Variants in AXDND1 observed in about 807,000 individuals in gnomAD.
The protein encoded by AXDND1 is axonemal dynein light chain domain containing 1, also known as axonemal dynein light chain domain-containing protein 1.
Under a neutral mutation model 137.5 loss-of-function variants are expected in AXDND1, and 110 were observed. The ratio of observed to expected loss-of-function variants is 0.80; its 90% CI spans 0.69 to 0.94. The LOEUF (loss-of-function observed/expected upper bound fraction) is 0.94. AXDND1 is among the 40% of genes least tolerant of loss of function. AXDND1 has a pLI of 0.00. For missense variants in AXDND1, 1,191 were observed against 1,169.8 expected (o/e 1.02, Z -0.26); for synonymous variants, 414 against 399.7 (o/e 1.04, Z -0.43).
chr1:179,482,187 T>C (rs1314133558), intron 17 of AXDND1, among the ~76,000 whole-genome samples: 1 of 137,710 alleles, frequency 7.3e-6, no homozygotes, highest in Non-Finnish European at 1.5e-5. Flanking sequence ...GTAGAGACAA[T>C]GGAAAGCTTC....
intron 25 of AXDND1, among the ~76,000 whole-genome samples, chr1:179,548,268 A>C (rs1254426012): frequency 2.6e-5 from 4 of 152,242 alleles, no homozygotes; most frequent in African/African-American, 7.2e-5. Context: ...ATTATTTATT[A>C]AGAATTTACC....
At chr1:179,478,587 C>T (rs531594717) in intron 17 of AXDND1, among the ~76,000 whole-genome samples, 8 of 152,332 alleles carry the variant, frequency 5.3e-5, no homozygotes, top group Non-Finnish European at 1.0e-4. Context: ...TTTTTTCCTC[C>T]TAAGCCTTCA....
chr1:179,456,454 C>T (rs1661420535), intron 16 of AXDND1: 1 of 767,956 alleles, frequency 1.3e-6, no homozygotes, highest in Admixed American at 1.7e-5. Flanking sequence ...CCAAAGCTGC[C>T]TCCACCTCCG....
chr1:179,391,762 T>C (rs1358437479), intron 9 of AXDND1, among the ~76,000 whole-genome samples: 1 of 152,112 alleles, frequency 6.6e-6, no homozygotes, highest in Non-Finnish European at 1.5e-5. Flanking sequence ...AGTCTCAAGC[T>C]CCTGACCTCA....
chr1:179,531,726 C>G (rs1482599709), intron 23 of AXDND1, among the ~76,000 whole-genome samples: 2 of 152,082 alleles, frequency 1.3e-5, no homozygotes, highest in Non-Finnish European at 2.9e-5. Flanking sequence ...GGGATCTTCC[C>G]TGAGGCATGC....
At chr1:179,383,604 C>T in intron 8 of AXDND1, 60 bp downstream of exon 8, 2 of 1,309,172 alleles carry the variant, frequency 1.5e-6, no homozygotes, top group Non-Finnish European at 2.2e-6. Context: ...AGGCAGATTG[C>T]CTAGGTTAGA....
chr1:179,375,201 C>T (rs4322197), intron 4 of AXDND1, among the ~76,000 whole-genome samples: 33,538 of 151,524 alleles, frequency 0.22, 3,759 homozygotes, highest in Non-Finnish European at 0.24. Flanking sequence ...CAAGTTCAAG[C>T]GATTCTCCTG....
In AXDND1 at chr1:179,429,585, A is replaced by G. The variant is rs747247686; in HGVS notation, c.1298A>G (p.Tyr433Cys). 6.3e-7 allele frequency: 1 copy of G among 1,578,364 alleles called. No homozygotes were observed. Among genetic ancestry groups the G allele is most frequent in the Non-Finnish European group, 8.6e-7 (1 of 1,166,084 alleles). The change falls in exon 13 of 26, where the codon TAC becomes TGC. Residue 433 changes from tyrosine (Y) to cysteine (C), a missense_variant. Physicochemically the swap from Tyr to Cys is radical, Grantham distance 194. Transcript: ENST00000367618. ...CTTAATGAAAAAGGCTGGAATAAATACACTAAGCATTTCATCATACTGCTA... is the reference window on the plus strand; with the variant it reads ...CTTAATGAAAAAGGCTGGAATAAATGCACTAAGCATTTCATCATACTGCTA... Reference protein sequence around the residue: ...LYLNEKGWNKYTKHFIILLSN... With the variant: ...LYLNEKGWNKCTKHFIILLSN...
intron 15 of AXDND1, among the ~76,000 whole-genome samples, chr1:179,442,987 GAGAAA>G (rs1659217328): frequency 6.6e-6 from 1 of 152,152 alleles, no homozygotes; most frequent in African/African-American, 2.4e-5. Flanking sequence ...AAGAGATAGC[GAGAAA>G]GGGGGGCGGT....
chr1:179,405,375 T>A (rs1558130847), intron 11 of AXDND1, among the ~76,000 whole-genome samples: 1 of 152,226 alleles, frequency 6.6e-6, no homozygotes, highest in African/African-American at 2.4e-5. Context: ...AATGCTGCAG[T>A]AAACATACGT....
chr1:179,412,353 A>C lies in AXDND1; in HGVS notation c.1230+1087A>C, dbSNP rs1654027338. Among the ~76,000 whole-genome samples, 3 of 152,206 alleles carry C rather than the reference A, an allele frequency of 2.0e-5. No individual in the cohort carries two copies. The South Asian group carries it at 6.2e-4, about 31-fold the overall frequency. ...AATTTTGATCCTCAAAAGATTAAAA[A>C]ATGAGTTCAGTTAAATTGGTTCACT... On this transcript the variant is annotated intron_variant, in intron 12 of 25. Transcript: ENST00000367618.
intron 25 of AXDND1, among the ~76,000 whole-genome samples, chr1:179,538,800 T>A: frequency 2.0e-5 from 3 of 152,148 alleles, no homozygotes; most frequent in Admixed American, 1.3e-4. Context: ...GGTGTTAAAG[T>A]CTCCCACTAT....
chr1:179,391,700 C>T (rs1385508617), intron 9 of AXDND1, among the ~76,000 whole-genome samples: 1 of 151,886 alleles, frequency 6.6e-6, no homozygotes, highest in African/African-American at 2.4e-5. Context: ...CCATGCCCAG[C>T]TAATTTTTTG....
chr1:179,482,611 C>T (rs1323945653), intron 17 of AXDND1, among the ~76,000 whole-genome samples: 1 of 152,020 alleles, frequency 6.6e-6, no homozygotes, highest in African/African-American at 2.4e-5. Flanking sequence ...AGATTATTGC[C>T]TTTCTTACTG....
intron 25 of AXDND1, chr1:179,551,553 G>C: frequency 7.3e-7 from 1 of 1,365,590 alleles, no homozygotes; most frequent in Non-Finnish European, 1.0e-6. Context: ...CATCTACTAT[G>C]TGGCAAGCAC....
rs1667874782 is a variant in AXDND1 at position 179,369,971 on chromosome 1, C to G, written c.271-4C>G. On this transcript the variant is annotated splice_region_variant and splice_polypyrimidine_tract_variant and intron_variant, in intron 3 of 25. Transcript: ENST00000367618. Reference sequence around the variant, plus strand: ...GATATTCATGTGTATTTGCTTTTTCCCAGGGCACTCTTCCACGCCTTGTAG... The same window carrying G: ...GATATTCATGTGTATTTGCTTTTTCGCAGGGCACTCTTCCACGCCTTGTAG... 1 of 1,610,584 alleles carries G rather than the reference C, an allele frequency of 6.2e-7. No individual in the cohort carries two copies. Among genetic ancestry groups the G allele is most frequent in the Non-Finnish European group, 8.5e-7 (1 of 1,177,710 alleles).
At chr1:179,420,804 G>T (rs1320601947) in intron 12 of AXDND1, among the ~76,000 whole-genome samples, 1 of 151,950 alleles carries the variant, frequency 6.6e-6, no homozygotes, top group Non-Finnish European at 1.5e-5. Context: ...TGTATTTTTA[G>T]TAGAGACGGT....
At chr1:179,518,006 T>G (rs1398906369) in intron 21 of AXDND1, among the ~76,000 whole-genome samples, 1 of 152,212 alleles carries the variant, frequency 6.6e-6, no homozygotes. Context: ...TGATGATGAG[T>G]CTTAATATAA....
chr1:179,421,123 C>T (rs569919220), intron 12 of AXDND1, among the ~76,000 whole-genome samples: 11 of 140,334 alleles, frequency 7.8e-5, no homozygotes, highest in African/African-American at 2.2e-4. Flanking sequence ...AGATGGTTGG[C>T]TATATATGCA....
Sources: allele counts gnomAD v4.1 joint callset (sites outside exome capture counted in the v4.1 genomes callset), GRCh38; gene constraint gnomAD v4.1.1; transcripts MANE v1.5; gene names NCBI Gene and HGNC (gene_info 2026-07-23, HGNC 2026-07-21).